CWC27: variants seen among roughly 807,000 people sequenced by gnomAD.
CWC27 encodes the protein CWC27 spliceosome associated cyclophilin, also known as spliceosome-associated protein CWC27 homolog.
Under a neutral mutation model 63.6 loss-of-function variants are expected in CWC27, and 47 were observed. The ratio of observed to expected loss-of-function variants is 0.74; its 90% CI spans 0.58 to 0.94. CWC27 has a LOEUF of 0.94. Among genes scored for constraint, CWC27 ranks in the 40% least tolerant of loss-of-function variants. CWC27 has a pLI of 0.00. For synonymous variants in CWC27, 175 were observed against 179.8 expected, an observed-to-expected ratio of 0.97 and a Z score of 0.22; for missense variants, 495 against 554.3, an observed-to-expected ratio of 0.89 and a Z score of 1.07.
intron 2 of CWC27, among the ~76,000 whole-genome samples, chr5:64,780,359 G>C (rs149664809): frequency 1.8e-3 from 192 of 104,906 alleles, no homozygotes; most frequent in African/African-American, 6.3e-3. Flanking sequence ...GTGCTGCTAT[G>C]AACATTTGTG....
chr5:64,830,572 A>C (rs1173636592), intron 10 of CWC27, among the ~76,000 whole-genome samples: 1 of 152,194 alleles, frequency 6.6e-6, no homozygotes, highest in Non-Finnish European at 1.5e-5. Context: ...CAAAATTGAC[A>C]AATGGGATCT....
chr5:64,962,859 A>G (rs112385637), intron 11 of CWC27, among the ~76,000 whole-genome samples: 80 of 152,332 alleles, frequency 5.3e-4, no homozygotes, highest in Non-Finnish European at 9.8e-4. Context: ...TAGAAAACAC[A>G]TAAATAAATG....
chr5:64,788,823 T>G (rs1336441863), intron 6 of CWC27, 128 bp from the exon 7 acceptor site: 1 of 614,114 alleles, frequency 1.6e-6, no homozygotes, highest in Non-Finnish European at 2.8e-6. Context: ...AGTAATATGG[T>G]CTTTTTTAGA....
At chr5:64,854,426 A>G (rs1746204974) in intron 10 of CWC27, among the ~76,000 whole-genome samples, 1 of 152,204 alleles carries the variant, frequency 6.6e-6, no homozygotes, top group Admixed American at 6.5e-5. Flanking sequence ...AAGGGTTCCA[A>G]TTTCTCTACA....
chr5:64,997,853 A>C (rs1749664750), intron 13 of CWC27, among the ~76,000 whole-genome samples: 1 of 152,174 alleles, frequency 6.6e-6, no homozygotes, highest in African/African-American at 2.4e-5. Flanking sequence ...AAATATTTTT[A>C]TTCCATTCCT....
At chr5:65,001,212 A>C (rs1749726323) in intron 13 of CWC27, among the ~76,000 whole-genome samples, 1 of 152,008 alleles carries the variant, frequency 6.6e-6, no homozygotes, top group Non-Finnish European at 1.5e-5. Context: ...CAGCTCTAAA[A>C]GTGTTTTGTG....
intron 11 of CWC27, among the ~76,000 whole-genome samples, chr5:64,915,557 A>G (rs1390427261): frequency 1.3e-5 from 2 of 152,140 alleles, no homozygotes; most frequent in African/African-American, 2.4e-5. Flanking sequence ...ACACACAGAC[A>G]GGCAAGAGAT....
intron 11 of CWC27, among the ~76,000 whole-genome samples, chr5:64,930,454 G>T (rs758699049): frequency 1.6e-4 from 25 of 151,884 alleles, no homozygotes; most frequent in Non-Finnish European, 3.1e-4. Flanking sequence ...TGAACTATTG[G>T]GTAGAAAAAT....
intron 13 of CWC27, among the ~76,000 whole-genome samples, chr5:65,007,016 AAG>A (rs1049480821): frequency 6.6e-6 from 1 of 151,498 alleles, no homozygotes; most frequent in South Asian, 2.1e-4. Context: ...GAAAGAAAGA[AAG>A]AAAGAAAAGA....
At chr5:64,861,075 G>A (rs28403133) in intron 10 of CWC27, among the ~76,000 whole-genome samples, 25,232 of 152,014 alleles carry the variant, frequency 0.17, 2,494 homozygotes, top group East Asian at 0.34. Context: ...GTTTCAACCC[G>A]TAGGGTCATA....
intron 10 of CWC27, among the ~76,000 whole-genome samples, chr5:64,872,912 C>G (rs1351450564): frequency 6.6e-6 from 1 of 152,126 alleles, no homozygotes; most frequent in African/African-American, 2.4e-5. Context: ...GTATTCTGTA[C>G]TCTTTCTCCC....
At chr5:64,849,069 ATGT>A (rs1746063996) in intron 10 of CWC27, among the ~76,000 whole-genome samples, 1 of 152,132 alleles carries the variant, frequency 6.6e-6, no homozygotes, top group South Asian at 2.1e-4. Flanking sequence ...TGACAACACA[ATGT>A]TATATGTAGA....
At chr5:64,879,121 G>A (rs763698434) in intron 10 of CWC27, among the ~76,000 whole-genome samples, 2 of 151,956 alleles carry the variant, frequency 1.3e-5, no homozygotes, top group Non-Finnish European at 2.9e-5. Context: ...AAGGAAAGAT[G>A]TAGTAAGTAA....
chr5:64,816,350 G>C (rs962898308), intron 10 of CWC27, among the ~76,000 whole-genome samples: 2 of 152,196 alleles, frequency 1.3e-5, no homozygotes, highest in African/African-American at 4.8e-5. Context: ...CAGAATGCCA[G>C]TGTTTAACTG....
chr5:64,840,386 AAAAAAAAAATATATATATAT>A (rs1355699301), intron 10 of CWC27, among the ~76,000 whole-genome samples: 2 of 56,858 alleles, frequency 3.5e-5, no homozygotes, highest in East Asian at 4.3e-4. Flanking sequence ...AAAAAAAAAA[AAAAAAAAAATATATATATAT>A]ATATATATAT....
chr5:64,775,777 C>T (rs1398017522), intron 2 of CWC27, among the ~76,000 whole-genome samples: 2 of 152,004 alleles, frequency 1.3e-5, no homozygotes, highest in Non-Finnish European at 2.9e-5. Context: ...AGTAAACCTT[C>T]CATTTTTAGA....
At chr5:65,014,683 A>G (rs552624086) in intron 13 of CWC27, among the ~76,000 whole-genome samples, 9 of 152,300 alleles carry the variant, frequency 5.9e-5, no homozygotes, top group Non-Finnish European at 1.2e-4. Context: ...CTTATTGTGT[A>G]TCCTCATAGG....
At chr5:64,870,409 C>T (rs953939587) in intron 10 of CWC27, among the ~76,000 whole-genome samples, 3 of 150,658 alleles carry the variant, frequency 2.0e-5, no homozygotes, top group African/African-American at 4.9e-5. Flanking sequence ...ATAGTCACTC[C>T]AAAATATTTG....
chr5:64,924,155 C>CG (rs1748057359), intron 11 of CWC27, among the ~76,000 whole-genome samples: 1 of 152,144 alleles, frequency 6.6e-6, no homozygotes, highest in Admixed American at 6.5e-5. Context: ...AGTTAAGATA[C>CG]ATCAACCTAG....
Sources: allele counts gnomAD v4.1 joint callset (sites outside exome capture counted in the v4.1 genomes callset), GRCh38; gene constraint gnomAD v4.1.1; transcripts MANE v1.5; gene names NCBI Gene and HGNC (gene_info 2026-07-23, HGNC 2026-07-21).